The following RRBP1 variants were observed in gnomAD, a reference collection of about 807,000 sequenced individuals.
The protein encoded by RRBP1 is ribosome-binding protein 1.
Under a neutral mutation model 165.2 loss-of-function variants are expected in RRBP1, and 94 were observed. That is an observed-to-expected ratio of 0.57 (90% CI 0.48 to 0.68). RRBP1 has a LOEUF of 0.68. Among genes scored for constraint, RRBP1 ranks in the 30% least tolerant of loss-of-function variants. The pLI, the probability that RRBP1 is intolerant of heterozygous loss-of-function variation, is 0.00. For missense variants in RRBP1, 1,676 were observed against 1,763.0 expected, an observed-to-expected ratio of 0.95 and a Z score of 0.88; for synonymous variants, 680 against 714.5, an observed-to-expected ratio of 0.95 and a Z score of 0.77.
intron 2 of RRBP1, among the ~76,000 whole-genome samples, chr20:17,668,946 G>A (rs1027035162): frequency 5.9e-5 from 9 of 152,072 alleles, no homozygotes; most frequent in African/African-American, 2.2e-4. Context: ...TACTAACTAT[G>A]TAACATTTCT....
Position 17,620,723 on chromosome 20 carries a change from G to T in RRBP1, c.3499C>A (p.Leu1167Ile). 6.2e-7 allele frequency: 1 copy of T among 1,605,334 alleles called. No individual in the cohort carries two copies. The change falls in exon 17 of 25, where the codon CTC becomes ATC. Residue 1167 changes from leucine (L) to isoleucine (I), a missense_variant. Around this residue, in one of 5 missense-constraint regions of RRBP1, gnomAD observed 1,184 missense variants for 1,167.1 expected, o/e 1.01. Transcript: ENST00000377813. ...RAKVGAAEEE[L>I]QKSRVTVKHL... ...GGCAGGGCTGCATATACCTTCTGGA[G>T]CTCCTCCTCTGCGGCGCCCACCTTG...
In RRBP1 at chr20:17,620,813, G is replaced by C. The variant is rs190319933; in HGVS notation, c.3415-6C>G. On this transcript the variant is annotated splice_region_variant and splice_polypyrimidine_tract_variant and intron_variant, in intron 16 of 24. Coordinates refer to ENST00000377813, the MANE Select transcript of RRBP1 (RefSeq NM_001365613.2). ...AGGTCTCTGAGCATGCCCTCCTGGG[G>C]GGAAACCGAGGTGAGGCAGGGCCCT... 406 of 1,597,804 alleles carry C rather than the reference G, an allele frequency of 2.5e-4. 5 individuals are homozygous for C. Among genetic ancestry groups the C allele is most frequent in the Non-Finnish European group, 1.6e-5 (19 of 1,172,968 alleles).
At chr20:17,680,538 C>G (rs2037161249) in intron 1 of RRBP1, among the ~76,000 whole-genome samples, 1 of 152,140 alleles carries the variant, frequency 6.6e-6, no homozygotes, top group Admixed American at 6.5e-5. Context: ...CTCCTAACCT[C>G]TGACCTCTCA....
At chr20:17,617,014 C>T (rs1424926381) in intron 20 of RRBP1, among the ~76,000 whole-genome samples, 175 bp from the exon 21 acceptor site, 1 of 152,222 alleles carries the variant, frequency 6.6e-6, no homozygotes, top group Non-Finnish European at 1.5e-5. Flanking sequence ...CCAACCTGAG[C>T]CAAACCAAGG....
At chr20:17,637,505 G>A (rs754865196) in intron 5 of RRBP1, among the ~76,000 whole-genome samples, 17 of 152,190 alleles carry the variant, frequency 1.1e-4, no homozygotes, top group Admixed American at 5.9e-4. Context: ...CTGATGTGAT[G>A]TGAATACATA....
chr20:17,648,664 T>C (rs534555976), intron 3 of RRBP1, among the ~76,000 whole-genome samples: 1 of 152,398 alleles, frequency 6.6e-6, no homozygotes, highest in African/African-American at 2.4e-5. Flanking sequence ...GTATATTTAA[T>C]GGTATCTAAT....
intron 1 of RRBP1, among the ~76,000 whole-genome samples, chr20:17,680,646 G>T (rs2037163540): frequency 6.6e-6 from 1 of 152,114 alleles, no homozygotes; most frequent in African/African-American, 2.4e-5. Context: ...TCAGGCCACA[G>T]ATAAGAAACT....
At chr20:17,630,165 G>C (rs1297746080) in intron 8 of RRBP1, among the ~76,000 whole-genome samples, 1 of 152,256 alleles carries the variant, frequency 6.6e-6, no homozygotes, top group Non-Finnish European at 1.5e-5. Context: ...GGAGAAGGCA[G>C]CTGCCAGGGA....
At chr20:17,661,788 C>A (rs2036771092) in intron 2 of RRBP1, among the ~76,000 whole-genome samples, 1 of 152,162 alleles carries the variant, frequency 6.6e-6, no homozygotes, top group Non-Finnish European at 1.5e-5. Flanking sequence ...TGGGTCCAGG[C>A]TGCTTAGTGG....
At chr20:17,657,599 AAAAGG>A (rs1238228816) in intron 3 of RRBP1, among the ~76,000 whole-genome samples, 4 of 152,182 alleles carry the variant, frequency 2.6e-5, no homozygotes, top group African/African-American at 4.8e-5. Flanking sequence ...AGGAAAAAAG[AAAAGG>A]AAAGGAGAGG....
chr20:17,681,577 CCCGGCAA>C (rs2037189601), intron 1 of RRBP1, among the ~76,000 whole-genome samples: 1 of 147,378 alleles, frequency 6.8e-6, no homozygotes, highest in Admixed American at 6.7e-5. Flanking sequence ...CGGACTCCAG[CCCGGCAA>C]CGTCATCCGG....
At chr20:17,667,327 G>T (rs1203066260) in intron 2 of RRBP1, among the ~76,000 whole-genome samples, 3 of 152,168 alleles carry the variant, frequency 2.0e-5, no homozygotes, top group Non-Finnish European at 4.4e-5. Context: ...TTTCAATGAT[G>T]ATTCTAGGAC....
Position 17,659,863 on chromosome 20 carries a change from G to A in RRBP1, c.645C>T (p.Ala215=). The A allele has an allele frequency of 6.4e-7, 1 of 1,551,852 alleles. No homozygotes were observed. Among genetic ancestry groups the A allele is most frequent in the Non-Finnish European group, 8.7e-7 (1 of 1,147,114 alleles). Residue 215 remains alanine, a synonymous_variant, in exon 3 of 25, where the codon GCC becomes GCT. Transcript: ENST00000377813. ...TQNQSKKAEG[A]PNQGRKAEGT... is the part of the protein sequence containing the mutation. ...CCTCTGCCTTTCTGCCCTGGTTTGG[G>A]GCTCCTTCAGCCTTTTTGCTTTGAT...
intron 21 of RRBP1, among the ~76,000 whole-genome samples, chr20:17,616,489 C>T (rs911345): frequency 0.62 from 94,159 of 152,064 alleles, 32,251 homozygotes; most frequent in Non-Finnish European, 0.76. Flanking sequence ...CCCCAAATCA[C>T]GGACTCCCTC....
At chr20:17,616,705 G>A (rs1348477503) in intron 21 of RRBP1, 27 bp downstream of exon 21, 4 of 1,491,862 alleles carry the variant, frequency 2.7e-6, no homozygotes, top group Non-Finnish European at 3.7e-6. Context: ...TTAGTGATGT[G>A]TCTGGGGACC....
chr20:17,653,190 G>A (rs1043294181), intron 3 of RRBP1, among the ~76,000 whole-genome samples: 1 of 152,258 alleles, frequency 6.6e-6, no homozygotes, highest in African/African-American at 2.4e-5. Flanking sequence ...TGCCCAGCGC[G>A]CCCTCGGGCT....
intron 24 of RRBP1, among the ~76,000 whole-genome samples, chr20:17,614,466 A>G (rs1256146201): frequency 4.6e-5 from 7 of 152,122 alleles, no homozygotes; most frequent in Non-Finnish European, 2.9e-5. Flanking sequence ...ACACAGGTGC[A>G]AAGTGAGGAC....
At chr20:17,666,870 G>GTCTTTAC (rs1555818214) in intron 2 of RRBP1, among the ~76,000 whole-genome samples, 2,752 of 152,182 alleles carry the variant, frequency 0.018, 89 homozygotes, top group African/African-American at 0.063. Context: ...TTTACCAATT[G>GTCTTTAC]CAGTTGACAT....
chr20:17,635,948 T>C lies in RRBP1; in HGVS notation c.2338-284A>G, dbSNP rs527492865. ...AGCCCAGGGTCTCTGACACACCCCA[T>C]GAACATCTGCCTCCAAGGTCACATG... On this transcript the variant is annotated intron_variant, in intron 6 of 24. Transcript: ENST00000377813. 2.5e-3 allele frequency among the ~76,000 whole-genome samples: 374 copies of C among 152,294 alleles called. 3 individuals are homozygous for C. Among genetic ancestry groups the C allele is most frequent in the South Asian group, 0.021 (102 of 4,826 alleles).
Sources: gnomAD v4.1 joint callset for allele counts (sites outside exome capture counted in the v4.1 genomes callset) on GRCh38, gnomAD v4.1.1 for gene constraint, gnomAD v4.1.1 regional missense constraint, MANE v1.5 for transcripts, NCBI Gene and HGNC (gene_info 2026-07-23, HGNC 2026-07-21) for gene names.